TMEM170B: variants seen among roughly 807,000 people sequenced by gnomAD.
TMEM170B encodes the protein transmembrane protein 170B.
In TMEM170B, 6 loss-of-function variants were observed where a neutral mutation model predicts 13.0. That is an observed-to-expected ratio of 0.46 (90% CI 0.25 to 0.91). The LOEUF (loss-of-function observed/expected upper bound fraction) is 0.91. TMEM170B is among the 40% of genes least tolerant of loss of function. The probability of loss-of-function intolerance (pLI) is 0.17; values close to 1 mark genes in which losing one functional copy is unlikely to be tolerated. For missense variants in TMEM170B, 138 were observed against 165.2 expected (o/e 0.84, Z 0.90); for synonymous variants, 61 against 64.9 (o/e 0.94, Z 0.29).
chr6:11,541,665 A>T (rs943040921), intron 1 of TMEM170B, among the ~76,000 whole-genome samples: 1 of 152,254 alleles, frequency 6.6e-6, no homozygotes, highest in Middle Eastern at 3.4e-3. Flanking sequence ...TTTTCTTTGC[A>T]TTTGCAACTT....
chr6:11,569,923 T>A (rs1759779731), intron 2 of TMEM170B, among the ~76,000 whole-genome samples: 1 of 151,974 alleles, frequency 6.6e-6, no homozygotes, highest in Admixed American at 6.6e-5. Flanking sequence ...ATCCCAGTGG[T>A]TTTGTGGTAT....
intron 2 of TMEM170B, among the ~76,000 whole-genome samples, chr6:11,567,539 T>C (rs192179355): frequency 1.8e-4 from 28 of 152,376 alleles, no homozygotes; most frequent in African/African-American, 5.3e-4. Flanking sequence ...TTCCTGGGTA[T>C]GTCCTATGGC....
At chr6:11,557,750 G>A (rs990359039) in intron 1 of TMEM170B, among the ~76,000 whole-genome samples, 4 of 152,164 alleles carry the variant, frequency 2.6e-5, no homozygotes, top group Non-Finnish European at 5.9e-5. Flanking sequence ...AAATCTGGGA[G>A]GCCAGACATC....
chr6:11,545,280 C>CTCTG (rs1442789332), intron 1 of TMEM170B, among the ~76,000 whole-genome samples: 2,229 of 139,760 alleles, frequency 0.016, 55 homozygotes, highest in African/African-American at 0.056. Flanking sequence ...CTCTCTCTCT[C>CTCTG]TGTGTGTGTG....
intron 1 of TMEM170B, among the ~76,000 whole-genome samples, chr6:11,549,172 A>G (rs944587160): frequency 3.3e-5 from 5 of 152,204 alleles, no homozygotes; most frequent in African/African-American, 1.2e-4. Context: ...ACTGATGGCT[A>G]TATTTATTGA....
chr6:11,540,643 A>G (rs563522253), intron 1 of TMEM170B, among the ~76,000 whole-genome samples: 9 of 152,308 alleles, frequency 5.9e-5, no homozygotes, highest in African/African-American at 2.2e-4. Context: ...TCCAACTCCT[A>G]TGAAAGTTGA....
rs779549976 is a variant in TMEM170B, at chr6:11,565,711, T to G, written c.143T>G (p.Phe48Cys). Residue 48 changes from phenylalanine (F) to cysteine (C), a missense_variant, in exon 2 of 3, where the codon TTT (phenylalanine) becomes TGT (cysteine). By Grantham distance (205) the Phe-to-Cys change is radical (BLOSUM62 -2). Coordinates refer to ENST00000379426, the MANE Select transcript of TMEM170B (RefSeq NM_001100829.3). ...IFLWALFSSL[F>C]VHGAAGVLMF... Reference sequence around the variant, plus strand: ...CTCTGGGCTCTCTTCTCTTCTCTGTTTGTCCATGGTGCTGCAGGAGTGTTG... The same window carrying G: ...CTCTGGGCTCTCTTCTCTTCTCTGTGTGTCCATGGTGCTGCAGGAGTGTTG... 26 of 1,614,088 alleles carry G rather than the reference T, an allele frequency of 1.6e-5. No individual in the cohort carries two copies. In the African/African-American group the frequency reaches 3.2e-4, roughly 20 times the overall value.
intron 1 of TMEM170B, among the ~76,000 whole-genome samples, chr6:11,559,013 G>A (rs1759625740): frequency 6.6e-6 from 1 of 151,754 alleles, no homozygotes; most frequent in Non-Finnish European, 1.5e-5. Context: ...TAATATTTTT[G>A]GCTTCATGGG....
At chr6:11,558,913 C>T (rs1759624422) in intron 1 of TMEM170B, among the ~76,000 whole-genome samples, 1 of 152,082 alleles carries the variant, frequency 6.6e-6, no homozygotes, top group South Asian at 2.1e-4. Flanking sequence ...CAAGCCCAGC[C>T]CAGAAGTCAG....
chr6:11,559,624 G>T (rs1037835051), intron 1 of TMEM170B, among the ~76,000 whole-genome samples: 13 of 152,126 alleles, frequency 8.5e-5, no homozygotes, highest in Admixed American at 8.5e-4. Context: ...AATTATAAAT[G>T]TATCATCTCT....
intron 2 of TMEM170B, among the ~76,000 whole-genome samples, chr6:11,574,796 A>G (rs1355613312): frequency 1.3e-5 from 2 of 152,134 alleles, no homozygotes; most frequent in Non-Finnish European, 2.9e-5. Context: ...GAACCTCACT[A>G]GAATAGATGT....
chr6:11,538,426 T>C (rs1260116427), intron 1 of TMEM170B, 52 bp downstream of exon 1: 3 of 1,338,290 alleles, frequency 2.2e-6, no homozygotes, highest in Non-Finnish European at 2.0e-6. Context: ...CCCTCTCCTG[T>C]CTTCTCCTTC....
intron 1 of TMEM170B, among the ~76,000 whole-genome samples, chr6:11,553,806 G>C (rs752224293): frequency 1.3e-5 from 2 of 152,136 alleles, no homozygotes; most frequent in East Asian, 1.9e-4. Flanking sequence ...TATTTGTAGA[G>C]TAAGGTTTAG....
At chr6:11,566,083 T>C (rs1759729828) in intron 2 of TMEM170B, among the ~76,000 whole-genome samples, 1 of 152,176 alleles carries the variant, frequency 6.6e-6, no homozygotes, top group South Asian at 2.1e-4. Flanking sequence ...TTCATAAAAA[T>C]TGGCAAGAGG....
intron 2 of TMEM170B, among the ~76,000 whole-genome samples, chr6:11,570,494 A>C (rs547872064): frequency 6.6e-6 from 1 of 152,228 alleles, no homozygotes; most frequent in Non-Finnish European, 1.5e-5. Flanking sequence ...AATTATAAAA[A>C]TAAAATAGTT....
intron 2 of TMEM170B, among the ~76,000 whole-genome samples, chr6:11,568,726 G>T (rs1376714762): frequency 2.0e-5 from 3 of 152,064 alleles, no homozygotes; most frequent in Admixed American, 1.3e-4. Context: ...AGGAAAACTA[G>T]CCAATGTGAA....
At chr6:11,550,382 A>T (rs959521974) in intron 1 of TMEM170B, among the ~76,000 whole-genome samples, 2 of 152,028 alleles carry the variant, frequency 1.3e-5, no homozygotes, top group Non-Finnish European at 2.9e-5. Flanking sequence ...CATGTTGGTC[A>T]GGCTGGTCTC....
chr6:11,542,136 A>G (rs753997768), intron 1 of TMEM170B, among the ~76,000 whole-genome samples: 9 of 152,200 alleles, frequency 5.9e-5, no homozygotes, highest in Non-Finnish European at 1.0e-4. Flanking sequence ...AGTTGCCTCA[A>G]ACTTACCATT....
At chr6:11,545,438 T>C (rs1759424198) in intron 1 of TMEM170B, among the ~76,000 whole-genome samples, 1 of 152,060 alleles carries the variant, frequency 6.6e-6, no homozygotes, top group African/African-American at 2.4e-5. Context: ...TCATGTGCCA[T>C]GTAACTTTCC....
Sources: allele counts gnomAD v4.1 joint callset (sites outside exome capture counted in the v4.1 genomes callset), GRCh38; gene constraint gnomAD v4.1.1; transcripts MANE v1.5; gene names NCBI Gene and HGNC (gene_info 2026-07-23, HGNC 2026-07-21).